Variants in PDIA3 observed in about 807,000 individuals in gnomAD.
PDIA3 encodes protein disulfide isomerase family A member 3, also known as protein disulfide-isomerase A3.
In PDIA3, 16 loss-of-function variants were observed where a neutral mutation model predicts 56.9. That is an observed-to-expected ratio of 0.28 (90% CI 0.19 to 0.43). The LOEUF (loss-of-function observed/expected upper bound fraction) is 0.43, where lower values mean the gene tolerates loss of function less well. PDIA3 is among the 20% of genes least tolerant of loss of function. The probability of loss-of-function intolerance (pLI) is 1.00; values close to 1 mark genes in which losing one functional copy is unlikely to be tolerated. For synonymous variants in PDIA3, 192 were observed against 216.5 expected (o/e 0.89, Z 0.99); for missense variants, 485 against 621.3 (o/e 0.78, Z 2.33).
chr15:43,770,460 T>C, intron 11 of PDIA3, 63 bp from the exon 12 acceptor site: 2 of 1,399,598 alleles, frequency 1.4e-6, no homozygotes. Context: ...CCTTCTTGGC[T>C]TAAGAGTTCT....
chr15:43,770,742 C>T (rs2086876574), intron 12 of PDIA3, among the ~76,000 whole-genome samples, 162 bp downstream of exon 12: 1 of 152,168 alleles, frequency 6.6e-6, no homozygotes, highest in African/African-American at 2.4e-5. Flanking sequence ...GATCTCGGCT[C>T]ACCGTTCAAG....
rs549204860 is a variant in PDIA3, at chr15:43,746,570, G to C, written c.31G>C (p.Gly11Arg). 2 of 1,611,438 alleles carry C rather than the reference G, an allele frequency of 1.2e-6. No homozygotes were observed. Among genetic ancestry groups the C allele is most frequent in the African/African-American group, 1.3e-5 (1 of 75,036 alleles). Residue 11 changes from glycine to arginine, a missense_variant, in exon 1 of 13, where the codon GGT becomes CGT. By Grantham distance (125) the Gly-to-Arg change is moderately radical (BLOSUM62 -2). Transcript: ENST00000300289. MRLRRLALFP[G>R]VALLLAAARL... The stretch of plus-strand genomic sequence containing the variant: ...CCTCCGCCGCCTAGCGCTGTTCCCG[G>C]GTGTGGCGCTGCTTCTTGCCGCGGC...
chr15:43,771,047 G>A (rs1596026487), intron 12 of PDIA3, 58 bp from the exon 13 acceptor site: 1 of 1,078,396 alleles, frequency 9.3e-7, no homozygotes, highest in Non-Finnish European at 1.4e-6. Flanking sequence ...CTGTTTGGGT[G>A]GGGCAGATCA....
chr15:43,752,890 ACTGATTAGGATTT>A, intron 1 of PDIA3: 1 of 470,956 alleles, frequency 2.1e-6, no homozygotes, highest in South Asian at 1.5e-5. Flanking sequence ...CTGTATATAC[ACTGATTAGGATTT>A]TCTGGGCAGA....
At chr15:43,748,765 GTT>G (rs768754111) in intron 1 of PDIA3, among the ~76,000 whole-genome samples, 111 of 145,082 alleles carry the variant, frequency 7.7e-4, no homozygotes, top group Non-Finnish European at 1.2e-3. Context: ...TTGTGTGTGT[GTT>G]TGTGTATTTT....
At chr15:43,763,930 G>T (rs991156681) in intron 5 of PDIA3, among the ~76,000 whole-genome samples, 1 of 152,118 alleles carries the variant, frequency 6.6e-6, no homozygotes, top group African/African-American at 2.4e-5. Context: ...AGGCATGTTG[G>T]GGCCCATAGT....
intron 4 of PDIA3, among the ~76,000 whole-genome samples, chr15:43,762,820 A>G (rs532227281): frequency 7.9e-5 from 12 of 152,174 alleles, no homozygotes; most frequent in Admixed American, 4.6e-4. Flanking sequence ...AATTTGTTCA[A>G]TTATGGGAAA....
At chr15:43,746,817 C>G (rs2086709554) in intron 1 of PDIA3, 111 bp downstream of exon 1, 2 of 1,207,228 alleles carry the variant, frequency 1.7e-6, no homozygotes, top group African/African-American at 1.5e-5. Flanking sequence ...CCTGTGGGCC[C>G]CTGCTGCGGC....
chr15:43,767,895 A>T (rs2094113701), intron 8 of PDIA3, among the ~76,000 whole-genome samples: 1 of 151,912 alleles, frequency 6.6e-6, no homozygotes, highest in African/African-American at 2.4e-5. Flanking sequence ...TCACTTGATC[A>T]CTTGAGCCCA....
chr15:43,752,365 C>G (rs2086750127), intron 1 of PDIA3, among the ~76,000 whole-genome samples: 1 of 152,128 alleles, frequency 6.6e-6, no homozygotes, highest in Non-Finnish European at 1.5e-5. Flanking sequence ...ACATAAGATA[C>G]CACTGATTGT....
Position 43,770,262 on chromosome 15 carries a change from C to T in PDIA3, c.1279C>T (p.Pro427Ser). The change falls in exon 11 of 13, where the codon CCA becomes TCA. Residue 427 changes from proline to serine, a missense_variant. Coordinates refer to ENST00000300289, the MANE Select transcript of PDIA3 (RefSeq NM_005313.5). ...GTTTTATTAACAGCTCAGCAAAGAC[C>T]CAAATATCGTCATAGCCAAGATGGA... ...KELGEKLSKD[P>S]NIVIAKMDAT... 1 of 1,613,786 alleles carries T rather than the reference C, an allele frequency of 6.2e-7. No homozygotes were observed. The highest frequency in any genetic ancestry group is 8.5e-7 in the Non-Finnish European group (1 of 1,179,742).
chr15:43,752,870 C>T (rs1317987598), intron 1 of PDIA3: 1 of 471,026 alleles, frequency 2.1e-6, no homozygotes, highest in Non-Finnish European at 4.4e-6. Flanking sequence ...TGATGTACAG[C>T]TGGTGCTAGC....
chr15:43,763,190 T>G lies in PDIA3; in HGVS notation c.586T>G (p.Tyr196Asp). Reference sequence around the variant, plus strand: ...GAATGTTGAGTCTCTGGTGAACGAGTATGATGATAATGGAGAGTAAGTGAC... The same window carrying G: ...GAATGTTGAGTCTCTGGTGAACGAGGATGATGATAATGGAGAGTAAGTGAC... ...HTNVESLVNE[Y>D]DDNGEGIILF... The change falls in exon 5 of 13, where the codon TAT becomes GAT. Residue 196 changes from tyrosine to aspartate, a missense_variant. Tyr to Asp is a radical substitution (Grantham distance 160, BLOSUM62 -3). Transcript: ENST00000300289. 6.2e-7 allele frequency: 1 copy of G among 1,613,850 alleles called. No individual in the cohort carries two copies. Among genetic ancestry groups the G allele is most frequent in the African/African-American group, 1.3e-5 (1 of 74,990 alleles).
intron 1 of PDIA3, among the ~76,000 whole-genome samples, chr15:43,748,613 G>A (rs773405422): frequency 2.6e-5 from 4 of 152,088 alleles, no homozygotes; most frequent in Non-Finnish European, 2.9e-5. Flanking sequence ...TCTCTGCTGT[G>A]GTGTCTGCTT....
chr15:43,771,222 A>G lies in PDIA3; in HGVS notation c.*4A>G. On this transcript the variant is annotated 3_prime_UTR_variant, in exon 13 of 13. Coordinates refer to ENST00000300289, the MANE Select transcript of PDIA3 (RefSeq NM_005313.5). ...GAAGGCACAGGAGGATCTCTAAAGC[A>G]GTAGCCAAACACCACTTTGTAAAAG... 6.3e-7 allele frequency: 1 copy of G among 1,577,546 alleles called. No homozygotes were observed. The highest frequency in any genetic ancestry group is 1.1e-5 in the South Asian group (1 of 89,992).
At chr15:43,757,514 C>T (rs563120521) in intron 3 of PDIA3, among the ~76,000 whole-genome samples, 19 of 146,090 alleles carry the variant, frequency 1.3e-4, no homozygotes, top group Non-Finnish European at 2.4e-4. Flanking sequence ...GCCGAGATCG[C>T]GCCACTGCAC....
chr15:43,754,756 A>G (rs1032820915), intron 2 of PDIA3, among the ~76,000 whole-genome samples: 11 of 151,964 alleles, frequency 7.2e-5, no homozygotes, highest in African/African-American at 2.7e-4. Context: ...TGGGAGGCCA[A>G]GGCAAGTAGA....
intron 2 of PDIA3, 112 bp downstream of exon 2, chr15:43,754,014 T>A: frequency 2.7e-6 from 2 of 742,906 alleles, no homozygotes; most frequent in Admixed American, 2.1e-5. Flanking sequence ...TTTGTAAGAT[T>A]AACATTCATT....
chr15:43,755,972 A>T (rs2086776309), intron 2 of PDIA3, among the ~76,000 whole-genome samples: 1 of 152,186 alleles, frequency 6.6e-6, no homozygotes, highest in South Asian at 2.1e-4. Flanking sequence ...AGACACATTA[A>T]TTAATTTTCT....
Sources: allele counts gnomAD v4.1 joint callset (sites outside exome capture counted in the v4.1 genomes callset), GRCh38; gene constraint gnomAD v4.1.1; transcripts MANE v1.5; gene names NCBI Gene and HGNC (gene_info 2026-07-23, HGNC 2026-07-21).